The following KCNQ5 variants were observed in gnomAD, a reference collection of about 807,000 sequenced individuals.
KCNQ5 encodes the protein potassium voltage-gated channel subfamily Q member 5.
A neutral mutation model predicts 98.2 loss-of-function variants in KCNQ5; 30 were observed. The observed-to-expected ratio is 0.31, with a 90% CI of 0.23 to 0.41. The LOEUF is 0.41. Ranked by LOEUF, KCNQ5 falls within the 10% of genes least tolerant of loss-of-function variation. The pLI is 1.00. For missense variants in KCNQ5, 835 were observed against 1,182.5 expected (o/e 0.71, Z 4.31); for synonymous variants, 458 against 449.4 (o/e 1.02, Z -0.24).
chr6:73,112,303 C>T (rs1775272953), intron 7 of KCNQ5, among the ~76,000 whole-genome samples: 1 of 151,826 alleles, frequency 6.6e-6, no homozygotes, highest in Non-Finnish European at 1.5e-5. Flanking sequence ...GTAACGGGCA[C>T]ACTGTTTTGT....
At chr6:72,759,269 A>T (rs368122629) in intron 1 of KCNQ5, among the ~76,000 whole-genome samples, 2 of 152,286 alleles carry the variant, frequency 1.3e-5, no homozygotes. Flanking sequence ...AAATTTTTGG[A>T]GCTGTAAGTC....
rs142539934 is a variant in KCNQ5 at position 72,635,650 on chromosome 6, T to C, written c.398+13063T>C. On this transcript the variant is annotated intron_variant, in intron 1 of 13. Coordinates refer to ENST00000370398, the MANE Select transcript of KCNQ5 (RefSeq NM_019842.4). ...TCCCCTTGGTCTTATTGTATTTTTC[T>C]TCCAGTTAAATTGCTCCTAGTTTTT... Among the ~76,000 whole-genome samples the C allele has an allele frequency of 8.4e-3, 1,267 of 150,844 alleles. 11 individuals carry two copies. The highest frequency in any genetic ancestry group is 0.019 in the East Asian group (100 of 5,162).
chr6:72,689,711 T>C (rs1027761408), intron 1 of KCNQ5, among the ~76,000 whole-genome samples: 4 of 152,124 alleles, frequency 2.6e-5, no homozygotes, highest in African/African-American at 9.7e-5. Context: ...TGAAATGCAT[T>C]ACAATTCAGT....
At chr6:73,104,433 A>G (rs1336046881) in intron 5 of KCNQ5, among the ~76,000 whole-genome samples, 1 of 151,872 alleles carries the variant, frequency 6.6e-6, no homozygotes, top group Non-Finnish European at 1.5e-5. Flanking sequence ...TAAAATATTA[A>G]AAAAATAAAT....
At chr6:73,108,156 T>C (rs1040607050) in intron 6 of KCNQ5, among the ~76,000 whole-genome samples, 1 of 152,014 alleles carries the variant, frequency 6.6e-6, no homozygotes, top group South Asian at 2.1e-4. Context: ...CATCACAGAG[T>C]CATACAAGCC....
intron 1 of KCNQ5, among the ~76,000 whole-genome samples, chr6:72,749,732 A>G (rs960751132): frequency 1.4e-3 from 11 of 7,980 alleles, no homozygotes; most frequent in Non-Finnish European, 2.0e-3. Flanking sequence ...ATTTAAAAAA[A>G]TATATTTTTA....
intron 10 of KCNQ5, among the ~76,000 whole-genome samples, chr6:73,146,994 T>C (rs1163012694): frequency 3.4e-4 from 52 of 152,350 alleles, no homozygotes. Context: ...GCTATGACTA[T>C]AGTATGTTCT....
Position 72,924,121 on chromosome 6 carries a change from T to G in KCNQ5, c.399-79787T>G, listed in dbSNP as rs116968519. Among the ~76,000 whole-genome samples, 410 of 152,342 alleles carry G rather than the reference T, an allele frequency of 2.7e-3. 4 individuals carry two copies. The highest frequency in any genetic ancestry group is 0.02 in the East Asian group (105 of 5,180). ...TTTGATTTCTTTTTCTAAAGAATATTAATGTCAAAACAAGTTTTCTTATAG... is the reference window on the plus strand; with the variant it reads ...TTTGATTTCTTTTTCTAAAGAATATGAATGTCAAAACAAGTTTTCTTATAG... On this transcript the variant is annotated intron_variant, in intron 1 of 13. Transcript: ENST00000370398.
chr6:73,100,869 A>T (rs1483562108), intron 5 of KCNQ5, among the ~76,000 whole-genome samples: 2 of 152,228 alleles, frequency 1.3e-5, no homozygotes, highest in South Asian at 4.2e-4. Flanking sequence ...CTATATACCA[A>T]TAAATTGGAA....
At chr6:72,977,009 G>A (rs1182207864) in intron 1 of KCNQ5, among the ~76,000 whole-genome samples, 1 of 152,044 alleles carries the variant, frequency 6.6e-6, no homozygotes, top group Non-Finnish European at 1.5e-5. Flanking sequence ...TTTTAAGCAG[G>A]GATTTTATAT....
chr6:72,974,889 G>T (rs765047326), intron 1 of KCNQ5, among the ~76,000 whole-genome samples: 2 of 151,784 alleles, frequency 1.3e-5, no homozygotes, highest in African/African-American at 2.4e-5. Flanking sequence ...ACAGGTGCAC[G>T]GCACACCCGG....
chr6:73,078,027 T>C, intron 5 of KCNQ5, 140 bp downstream of exon 5: 1 of 666,780 alleles, frequency 1.5e-6, no homozygotes, highest in Non-Finnish European at 2.3e-6. Context: ...ATACTACTTA[T>C]TATTGTCTAA....
chr6:72,777,364 C>T (rs192094041), intron 1 of KCNQ5, among the ~76,000 whole-genome samples: 29 of 151,994 alleles, frequency 1.9e-4, no homozygotes, highest in African/African-American at 6.5e-4. Flanking sequence ...GAGGTGGAGT[C>T]AATAAATATT....
chr6:72,674,893 A>G (rs947163527), intron 1 of KCNQ5, among the ~76,000 whole-genome samples: 9 of 152,304 alleles, frequency 5.9e-5, no homozygotes, highest in African/African-American at 1.9e-4. Context: ...ACTTCAGAGA[A>G]TAGTTCTATT....
At chr6:72,860,799 C>A (rs2995344) in intron 1 of KCNQ5, among the ~76,000 whole-genome samples, 150,752 of 152,102 alleles carry the variant, frequency 0.99, 74,722 homozygotes, top group East Asian at 1. Flanking sequence ...TATTCTTGGT[C>A]TTAATGTATT....
At chr6:72,888,703 A>G (rs1778943876) in intron 1 of KCNQ5, among the ~76,000 whole-genome samples, 1 of 152,150 alleles carries the variant, frequency 6.6e-6, no homozygotes, top group Non-Finnish European at 1.5e-5. Context: ...TGCCCAGATA[A>G]TAAATTTCCA....
At chr6:73,169,897 T>A in intron 11 of KCNQ5, 43 bp downstream of exon 11, 1 of 1,234,474 alleles carries the variant, frequency 8.1e-7, no homozygotes. Context: ...GACATACTTA[T>A]GATTAATTGA....
At chr6:72,682,226 C>G (rs912042806) in intron 1 of KCNQ5, among the ~76,000 whole-genome samples, 5 of 152,202 alleles carry the variant, frequency 3.3e-5, no homozygotes, top group Admixed American at 6.5e-5. Flanking sequence ...AAAAAACGCT[C>G]TATATTGTTT....
At chr6:72,837,025 G>A (rs980202045) in intron 1 of KCNQ5, among the ~76,000 whole-genome samples, 1 of 152,136 alleles carries the variant, frequency 6.6e-6, no homozygotes, top group African/African-American at 2.4e-5. Context: ...TGGAAAATTT[G>A]CATATTTCTG....
Sources: allele counts gnomAD v4.1 joint callset (sites outside exome capture counted in the v4.1 genomes callset), GRCh38; gene constraint gnomAD v4.1.1; transcripts MANE v1.5; gene names NCBI Gene and HGNC (gene_info 2026-07-23, HGNC 2026-07-21).